The following IL1RAPL2 variants were observed in gnomAD, a reference collection of about 807,000 sequenced individuals.
IL1RAPL2 encodes X-linked interleukin-1 receptor accessory protein-like 2.
Under a neutral mutation model 44.1 loss-of-function variants are expected in IL1RAPL2, and 3 were observed. The observed-to-expected ratio is 0.07, with a 90% CI of 0.03 to 0.18. The LOEUF (loss-of-function observed/expected upper bound fraction) is 0.18. Among genes scored for constraint, IL1RAPL2 ranks in the 10% least tolerant of loss-of-function variants. The pLI, the probability that IL1RAPL2 is intolerant of heterozygous loss-of-function variation, is 1.00. For synonymous variants in IL1RAPL2, 181 were observed against 178.8 expected, an observed-to-expected ratio of 1.01 and a Z score of -0.10; for missense variants, 391 against 496.4, an observed-to-expected ratio of 0.79 and a Z score of 2.02.
chrX:105,745,625 T>G (rs779632255), intron 8 of IL1RAPL2, among the ~76,000 whole-genome samples: 1 of 111,754 alleles, frequency 8.9e-6, no homozygotes, highest in South Asian at 3.7e-4. Context: ...AGGCCCCATT[T>G]ATGAAAGTTC....
At chrX:105,138,600 A>G (rs970162820) in intron 2 of IL1RAPL2, among the ~76,000 whole-genome samples, 2 of 111,117 alleles carry the variant, frequency 1.8e-5, no homozygotes, top group East Asian at 2.9e-4. Flanking sequence ...GAGAGCTGCT[A>G]TTGAGTACCT....
chrX:105,369,387 T>C (rs2035320462), intron 5 of IL1RAPL2, among the ~76,000 whole-genome samples: 1 of 111,041 alleles, frequency 9.0e-6, no homozygotes, highest in African/African-American at 3.3e-5. Flanking sequence ...ATTCTTCTTA[T>C]TGGATTCCCC....
At chrX:104,851,342 A>G (rs1195328670) in intron 2 of IL1RAPL2, among the ~76,000 whole-genome samples, 3 of 112,265 alleles carry the variant, frequency 2.7e-5, no homozygotes, top group African/African-American at 9.7e-5. Context: ...ATTTACCAGA[A>G]AATAAATGTC....
chrX:105,016,511 T>C (rs1201666310), intron 2 of IL1RAPL2, among the ~76,000 whole-genome samples: 1 of 111,671 alleles, frequency 9.0e-6, no homozygotes, highest in Non-Finnish European at 1.9e-5. Context: ...ATATTGAGAA[T>C]TTTTAGCATG....
intron 6 of IL1RAPL2, among the ~76,000 whole-genome samples, chrX:105,587,765 G>A (rs896305570): frequency 1.8e-5 from 2 of 111,926 alleles, no homozygotes; most frequent in African/African-American, 6.5e-5. Flanking sequence ...CAGGCCAGAC[G>A]TGGAGGCTCA....
chrX:104,621,696 G>A (rs982418762), intron 1 of IL1RAPL2, among the ~76,000 whole-genome samples: 2 of 111,027 alleles, frequency 1.8e-5, no homozygotes, highest in Non-Finnish European at 3.8e-5. Flanking sequence ...GATTTGGAGT[G>A]GTTATTAGCC....
intron 1 of IL1RAPL2, among the ~76,000 whole-genome samples, chrX:104,628,647 T>A (rs1929568374): frequency 8.9e-6 from 1 of 112,099 alleles, no homozygotes; most frequent in Admixed American, 9.5e-5. Context: ...TTCCTGTGGA[T>A]AAACACCCAG....
chrX:105,674,833 C>T (rs2037855599), intron 6 of IL1RAPL2, among the ~76,000 whole-genome samples: 1 of 111,184 alleles, frequency 9.0e-6, no homozygotes, highest in Non-Finnish European at 1.9e-5. Flanking sequence ...TCTCTGGTTT[C>T]CTTGAACAGT....
chrX:105,449,042 G>T (rs768292320), intron 5 of IL1RAPL2, among the ~76,000 whole-genome samples: 1 of 111,356 alleles, frequency 9.0e-6, no homozygotes, highest in African/African-American at 3.3e-5. Flanking sequence ...CTTCAGGATT[G>T]GTCCCTGGTG....
chrX:104,985,211 C>T (rs1191956400), intron 2 of IL1RAPL2, among the ~76,000 whole-genome samples: 8 of 110,215 alleles, frequency 7.3e-5, no homozygotes, highest in African/African-American at 2.6e-4. Context: ...CCTCAGCCTC[C>T]CAAGTAGCTG....
chrX:105,282,961 A>G (rs1235676904), intron 5 of IL1RAPL2, among the ~76,000 whole-genome samples: 3 of 111,812 alleles, frequency 2.7e-5, no homozygotes, highest in African/African-American at 9.7e-5. Context: ...TGATTTTGTT[A>G]TCCTTACATT....
intron 5 of IL1RAPL2, among the ~76,000 whole-genome samples, chrX:105,399,315 G>C (rs2035588796): frequency 9.0e-6 from 1 of 110,908 alleles, no homozygotes; most frequent in Non-Finnish European, 1.9e-5. Flanking sequence ...CACTTGACTG[G>C]TTACTTTTTG....
At chrX:105,220,314 G>A (rs1396890739) in intron 3 of IL1RAPL2, 1 of 1,207,763 alleles carries the variant, frequency 8.3e-7, no homozygotes, top group Non-Finnish European at 1.1e-6. Context: ...GGCCTTTCGT[G>A]TGCCTGGCCA....
At chrX:104,571,870 C>T (rs1928154972) in intron 1 of IL1RAPL2, among the ~76,000 whole-genome samples, 1 of 111,663 alleles carries the variant, frequency 9.0e-6, no homozygotes, top group African/African-American at 3.3e-5. Flanking sequence ...ATCCAGGGAC[C>T]CAAATAGTGT....
intron 5 of IL1RAPL2, among the ~76,000 whole-genome samples, chrX:105,462,752 C>G (rs2036101650): frequency 9.0e-6 from 1 of 111,000 alleles, no homozygotes; most frequent in African/African-American, 3.3e-5. Flanking sequence ...AATGCTCTCC[C>G]TCACTATCTT....
At chrX:105,567,592 AT>A (rs1179424067) in intron 6 of IL1RAPL2, among the ~76,000 whole-genome samples, 4 of 111,527 alleles carry the variant, frequency 3.6e-5, no homozygotes, top group Middle Eastern at 4.2e-3. Flanking sequence ...TGAGTCATCC[AT>A]TTTCCCTTTC....
chrX:104,916,527 G>A (rs1376875271), intron 2 of IL1RAPL2, among the ~76,000 whole-genome samples: 1 of 111,486 alleles, frequency 9.0e-6, no homozygotes, highest in East Asian at 2.8e-4. Flanking sequence ...GGGACAATTT[G>A]ACTTCCTCTT....
At chrX:105,315,278 G>A (rs1396346606) in intron 5 of IL1RAPL2, among the ~76,000 whole-genome samples, 1 of 109,422 alleles carries the variant, frequency 9.1e-6, no homozygotes, top group Non-Finnish European at 1.9e-5. Context: ...AAGTGGTAAT[G>A]TTTTCTTAGC....
At position 105,340,594 on chromosome X, in the gene IL1RAPL2, A is replaced by G. The variant is rs2035063032; in HGVS notation, c.697+73053A>G. Among the ~76,000 whole-genome samples the G allele has an allele frequency of 8.0e-5, 9 of 111,841 alleles. No individual in the cohort carries two copies. The South Asian group carries it at 3.4e-3, about 42-fold the overall frequency. ...CCTTGATGTTCCTTAAACACACCTG[A>G]GCATCCTGGGGAAGTTTCTTCTGCC... On this transcript the variant is annotated intron_variant, in intron 5 of 10. Transcript: ENST00000372582.
Sources: gnomAD v4.1 joint callset for allele counts (sites outside exome capture counted in the v4.1 genomes callset) on GRCh38, gnomAD v4.1.1 for gene constraint, MANE v1.5 for transcripts, NCBI Gene and HGNC (gene_info 2026-07-23, HGNC 2026-07-21) for gene names.